The following B9D1 variants were observed in gnomAD, a reference collection of about 807,000 sequenced individuals.
B9D1 encodes B9 domain-containing protein 1.
Under a neutral mutation model 26.1 loss-of-function variants are expected in B9D1, and 20 were observed. The ratio of observed to expected loss-of-function variants is 0.77; its 90% CI spans 0.54 to 1.12. The LOEUF is 1.12. Among genes scored for constraint, B9D1 ranks in the 50% most tolerant of loss-of-function variants. B9D1 has a pLI of 0.00. For synonymous variants in B9D1, 105 were observed against 103.1 expected (o/e 1.02, Z -0.11); for missense variants, 260 against 273.7 (o/e 0.95, Z 0.35).
At position 19,362,601 on chromosome 17, in the gene B9D1, T is replaced by C; in HGVS notation, c.-32A>G. The stretch of plus-strand genomic sequence containing the variant: ...TCTGGGGGTGCCGGGGGGACCCACC[T>C]AGGCCGCGCGCGGTTGCTAAGAGAC... On this transcript the variant is annotated 5_prime_UTR_variant, in exon 1 of 7. Coordinates refer to ENST00000261499, the MANE Select transcript of B9D1 (RefSeq NM_015681.6). The C allele has an allele frequency of 1.3e-6, 2 of 1,580,150 alleles. No homozygotes were observed. Among genetic ancestry groups the C allele is most frequent in the Non-Finnish European group, 8.6e-7 (1 of 1,162,794 alleles).
Position 19,359,494 on chromosome 17 carries a change from T to A in B9D1, c.132+826A>T, listed in dbSNP as rs1256407645. On this transcript the variant is annotated intron_variant, in intron 2 of 6. Coordinates refer to ENST00000261499, the MANE Select transcript of B9D1 (RefSeq NM_015681.6). The surrounding 1 kb of genome is among the most constrained non-coding windows in gnomAD (Gnocchi z 5.0). The stretch of plus-strand genomic sequence containing the variant: ...CTTCAGGTCTTTCCTCAAAAGTTAC[T>A]TTCTCGGCAAGGCCCTCCCTGGCAG... Among the ~76,000 whole-genome samples the A allele has an allele frequency of 6.6e-6, 1 of 152,214 alleles. No individual in the cohort carries two copies. Among genetic ancestry groups the A allele is most frequent in the Non-Finnish European group, 1.5e-5 (1 of 68,044 alleles).
At chr17:19,362,231 TG>T (rs1351160817) in intron 1 of B9D1, among the ~76,000 whole-genome samples, 2 of 152,232 alleles carry the variant, frequency 1.3e-5, no homozygotes, top group Admixed American at 1.3e-4. Flanking sequence ...TCCAAGCAAG[TG>T]GGCATGACCC....
At chr17:19,345,516 G>T (rs763413119) in intron 5 of B9D1, among the ~76,000 whole-genome samples, 2 of 152,136 alleles carry the variant, frequency 1.3e-5, no homozygotes, top group African/African-American at 2.4e-5. Flanking sequence ...ATCTTGAGGC[G>T]ACTATCCAGG....
chr17:19,367,264 T>C (rs1343654729), upstream of B9D1, among the ~76,000 whole-genome samples: 1 of 151,838 alleles, frequency 6.6e-6, no homozygotes, highest in Non-Finnish European at 1.5e-5. Flanking sequence ...AACAATGTTG[T>C]GTGTTTATTT....
At chr17:19,345,062 G>A (rs1908576067) in intron 5 of B9D1, among the ~76,000 whole-genome samples, 3 of 152,330 alleles carry the variant, frequency 2.0e-5, no homozygotes, top group Admixed American at 6.5e-5. Context: ...TGGAGCTCCC[G>A]TTCCCACTGA....
At position 19,374,141 on chromosome 17, in the gene B9D1, T is replaced by C. The variant is rs138197370; in HGVS notation, c.-298+3718A>G. ...CTGAAACACATGTCATCTCAGCCTC[T>C]TTTGTTTTCCTGCTTTTAATAAGAT... On this transcript the variant is annotated intron_variant, in intron 1 of 5. Transcript: ENST00000477478. 1.2e-3 allele frequency among the ~76,000 whole-genome samples: 177 copies of C among 152,358 alleles called. 3 individuals are homozygous for C. The East Asian group carries it at 0.027, about 24-fold the overall frequency.
chr17:19,335,246 G>C, downstream of B9D1: 1 of 575,266 alleles, frequency 1.7e-6, no homozygotes, highest in Non-Finnish European at 2.7e-6. Flanking sequence ...CCTGTTTTTG[G>C]TGAATTACTA....
chr17:19,366,118 A>G (rs576756819), upstream of B9D1, among the ~76,000 whole-genome samples: 10 of 151,986 alleles, frequency 6.6e-5, no homozygotes, highest in East Asian at 9.7e-4. Flanking sequence ...GAAGCTCATT[A>G]TAAGTGGGTG....
chr17:19,359,842 T>C lies in B9D1; in HGVS notation c.132+478A>G, dbSNP rs924017792. ...CTGCTATGAAGATGAAACAAGTGCTTTGCAAACAGCAGAGCACAGAGCGGG... is the reference window on the plus strand; with the variant it reads ...CTGCTATGAAGATGAAACAAGTGCTCTGCAAACAGCAGAGCACAGAGCGGG... On this transcript the variant is annotated intron_variant, in intron 2 of 6. Transcript: ENST00000261499. This position sits in a 1 kb window ranked among gnomAD's most constrained non-coding sequence, Gnocchi z 5.0. Among the ~76,000 whole-genome samples, 1 of 152,200 alleles carries C rather than the reference T, an allele frequency of 6.6e-6. No homozygotes were observed. The highest frequency in any genetic ancestry group is 2.4e-5 in the African/African-American group (1 of 41,444).
chr17:19,344,489 C>CG, intron 5 of B9D1: 1 of 277,096 alleles, frequency 3.6e-6, no homozygotes, highest in Non-Finnish European at 7.4e-6. Flanking sequence ...GCCAGGAGGC[C>CG]GGGGGTGTCA....
chr17:19,371,098 A>C (rs79896260), intron 1 of B9D1: 7,275 of 152,438 alleles, frequency 0.048, 227 homozygotes, highest in East Asian at 0.11. Flanking sequence ...AGGGAGAAGA[A>C]GGCAGGTGGC....
chr17:19,337,836 G>C, downstream of B9D1: 2 of 578,868 alleles, frequency 3.5e-6, no homozygotes, highest in Non-Finnish European at 5.8e-6. Context: ...ACCAGTGCCA[G>C]AATTAGGCCC....
intron 5 of B9D1, among the ~76,000 whole-genome samples, chr17:19,345,318 G>T (rs1226131282): frequency 2.0e-5 from 3 of 152,204 alleles, no homozygotes; most frequent in African/African-American, 7.2e-5. Flanking sequence ...AGCAGGGGAG[G>T]GGTGCAGCCC....
rs1598081418 is a variant in B9D1, at chr17:19,357,244, G to C, written c.244+596C>G. ...TGAAAGTATTCATAGTCCCCATGGA[G>C]ACTAAGCCCAGGCTTTGTGCACAGT... On this transcript the variant is annotated intron_variant, in intron 3 of 6. Coordinates refer to ENST00000261499, the MANE Select transcript of B9D1 (RefSeq NM_015681.6). 2.6e-5 allele frequency among the ~76,000 whole-genome samples: 4 copies of C among 152,374 alleles called. No individual in the cohort carries two copies. The Middle Eastern group carries it at 0.01, about 389-fold the overall frequency.
At position 19,343,854 on chromosome 17, in the gene B9D1, C is replaced by G. The variant is rs1360851757; in HGVS notation, c.408G>C (p.Trp136Cys). ...TGTACTCGGGCCGCCGCCCCATGAA[C>G]CAGCTGGGAACACAGAAGAACACAG... The part of the protein sequence containing the change: ...STSKLQKFTS[W>C]FMGRRPEYTD... Residue 136 changes from tryptophan to cysteine, a missense_variant, in exon 6 of 7, where the codon TGG becomes TGC. Physicochemically the swap from Trp to Cys is radical, Grantham distance 215 (BLOSUM62 -2). Coordinates refer to ENST00000261499, the MANE Select transcript of B9D1 (RefSeq NM_015681.6). 1 of 1,613,978 alleles carries G rather than the reference C, an allele frequency of 6.2e-7. No homozygotes were observed. Among genetic ancestry groups the G allele is most frequent in the South Asian group, 1.1e-5 (1 of 91,078 alleles).
intron 5 of B9D1, 137 bp from the exon 6 acceptor site, chr17:19,343,994 A>T (rs1598047685): frequency 7.3e-7 from 1 of 1,369,684 alleles, no homozygotes; most frequent in African/African-American, 1.4e-5. Flanking sequence ...ACCAGGAGTC[A>T]GGCCCTAAGC....
intron 3 of B9D1, among the ~76,000 whole-genome samples, chr17:19,350,108 T>A (rs867251060): frequency 2.7e-5 from 4 of 149,192 alleles, no homozygotes; most frequent in African/African-American, 9.9e-5. Flanking sequence ...CGAAATTCTG[T>A]CTCAAAAAAA....
chr17:19,347,923 A>T lies in B9D1; in HGVS notation c.245-43T>A. On this transcript the variant is annotated intron_variant, in intron 3 of 6. Coordinates refer to ENST00000261499, the MANE Select transcript of B9D1 (RefSeq NM_015681.6). The surrounding 1 kb of genome is among the most constrained non-coding windows in gnomAD (Gnocchi z 4.3). ...AGGGGGTGGGCACATGAGGACACAC[A>T]GGGGAGGTGCAGGGCAGAGAACAGG... 1 of 1,530,298 alleles carries T rather than the reference A, an allele frequency of 6.5e-7. No individual in the cohort carries two copies. The highest frequency in any genetic ancestry group is 9.0e-7 in the Non-Finnish European group (1 of 1,107,826). 94.8% of individuals were successfully genotyped at this position (1,530,298 alleles called of 1,614,324 possible). A position where few individuals can be genotyped will look rare whatever the true frequency, so the allele number is the denominator to read the frequency against.
intron 2 of B9D1, among the ~76,000 whole-genome samples, chr17:19,358,745 G>C (rs893926222): frequency 2.0e-5 from 3 of 152,072 alleles, no homozygotes; most frequent in Non-Finnish European, 2.9e-5. Flanking sequence ...ACCTGTACTT[G>C]GTGATCTCAT....
Sources: allele counts gnomAD v4.1 joint callset (sites outside exome capture counted in the v4.1 genomes callset), GRCh38; gene constraint gnomAD v4.1.1; non-coding constraint Gnocchi (gnomAD v3.1); transcripts MANE v1.5; gene names NCBI Gene and HGNC (gene_info 2026-07-23, HGNC 2026-07-21).